The following AHCYL2 variants were observed in gnomAD, a reference collection of about 807,000 sequenced individuals.
AHCYL2 encodes adenosylhomocysteinase like 2.
A neutral mutation model predicts 81.4 loss-of-function variants in AHCYL2; 28 were observed. That is an observed-to-expected ratio of 0.34 (90% CI 0.25 to 0.47). AHCYL2 has a LOEUF of 0.47. AHCYL2 is among the 20% of genes least tolerant of loss of function. AHCYL2 has a pLI of 1.00. For synonymous variants in AHCYL2, 272 were observed against 290.2 expected, an observed-to-expected ratio of 0.94 and a Z score of 0.64; for missense variants, 551 against 785.1, an observed-to-expected ratio of 0.70 and a Z score of 3.56.
intron 1 of AHCYL2, among the ~76,000 whole-genome samples, chr7:129,333,615 G>C (rs1319627411): frequency 6.6e-6 from 1 of 152,166 alleles, no homozygotes; most frequent in Non-Finnish European, 1.5e-5. Context: ...ATTTAGTTCA[G>C]ATATGGGGAA....
intron 1 of AHCYL2, among the ~76,000 whole-genome samples, chr7:129,273,495 A>G (rs1014990729): frequency 3.3e-5 from 5 of 151,434 alleles, no homozygotes; most frequent in African/African-American, 1.2e-4. Flanking sequence ...CGCCTGGCTA[A>G]TTTTGTATTT....
chr7:129,357,920 C>T (rs1258073930), intron 1 of AHCYL2, among the ~76,000 whole-genome samples: 2 of 143,160 alleles, frequency 1.4e-5, no homozygotes, highest in Non-Finnish European at 3.0e-5. Context: ...GGTGACAGGG[C>T]GAGACTCCAT....
intron 1 of AHCYL2, among the ~76,000 whole-genome samples, chr7:129,345,692 CTG>C (rs1197533441): frequency 6.6e-6 from 1 of 152,012 alleles, no homozygotes; most frequent in African/African-American, 2.4e-5. Flanking sequence ...GAAAATGAAA[CTG>C]GGAAAGAGTT....
intron 2 of AHCYL2, among the ~76,000 whole-genome samples, chr7:129,384,970 A>C (rs1349713692): frequency 5.3e-5 from 8 of 152,190 alleles, no homozygotes; most frequent in Non-Finnish European, 8.8e-5. Context: ...AAGGAAAAAA[A>C]CCTCATAAAA....
At chr7:129,313,855 CTTTTT>C (rs1048151396) in intron 1 of AHCYL2, among the ~76,000 whole-genome samples, 3 of 152,138 alleles carry the variant, frequency 2.0e-5, no homozygotes, top group Non-Finnish European at 4.4e-5. Flanking sequence ...GTAACACTTT[CTTTTT>C]ACTATTATGT....
At chr7:129,382,780 C>T (rs993920576) in intron 2 of AHCYL2, among the ~76,000 whole-genome samples, 3 of 151,948 alleles carry the variant, frequency 2.0e-5, no homozygotes, top group Admixed American at 6.6e-5. Context: ...GTGGCACATG[C>T]CTGTAATCCC....
intron 2 of AHCYL2, among the ~76,000 whole-genome samples, chr7:129,382,494 G>A (rs911258303): frequency 1.3e-4 from 20 of 152,154 alleles, no homozygotes; most frequent in Admixed American, 3.9e-4. Flanking sequence ...CAGCTACTCC[G>A]GAGTCTGAGG....
At chr7:129,311,097 C>T (rs1487120209) in intron 1 of AHCYL2, among the ~76,000 whole-genome samples, 1 of 149,946 alleles carries the variant, frequency 6.7e-6, no homozygotes, top group African/African-American at 2.5e-5. Flanking sequence ...AAGAGTGAAA[C>T]CCTGTCTCAA....
intron 1 of AHCYL2, among the ~76,000 whole-genome samples, chr7:129,259,804 A>T (rs1455659155): frequency 1.3e-5 from 2 of 152,176 alleles, no homozygotes; most frequent in Non-Finnish European, 2.9e-5. Context: ...TGGCCAGGCG[A>T]GGTAGCTCAC....
At chr7:129,288,621 A>G (rs1796725075) in intron 1 of AHCYL2, among the ~76,000 whole-genome samples, 1 of 152,062 alleles carries the variant, frequency 6.6e-6, no homozygotes, top group South Asian at 2.1e-4. Flanking sequence ...CAGCCTCCCA[A>G]AGTGCTGGGA....
chr7:129,337,492 C>T (rs988675165), intron 1 of AHCYL2, among the ~76,000 whole-genome samples: 2 of 151,966 alleles, frequency 1.3e-5, no homozygotes, highest in South Asian at 2.1e-4. Context: ...CTCCACCTGC[C>T]GGGTTAAAAC....
intron 1 of AHCYL2, among the ~76,000 whole-genome samples, chr7:129,308,742 A>T (rs1797533240): frequency 6.6e-6 from 1 of 152,214 alleles, no homozygotes; most frequent in Non-Finnish European, 1.5e-5. Context: ...CAAAAAAGAA[A>T]CTATCATTAC....
At chr7:129,288,605 C>G (rs1275824155) in intron 1 of AHCYL2, among the ~76,000 whole-genome samples, 5 of 152,210 alleles carry the variant, frequency 3.3e-5, no homozygotes, top group South Asian at 4.1e-4. Flanking sequence ...AGTGATCTGC[C>G]TGCCTCAGCC....
intron 1 of AHCYL2, among the ~76,000 whole-genome samples, chr7:129,237,326 C>T (rs1794675253): frequency 6.6e-6 from 1 of 152,032 alleles, no homozygotes; most frequent in South Asian, 2.1e-4. Context: ...TCTATTTGTT[C>T]CCAAATAAAA....
At chr7:129,290,586 A>G (rs1197427472) in intron 1 of AHCYL2, among the ~76,000 whole-genome samples, 1 of 151,916 alleles carries the variant, frequency 6.6e-6, no homozygotes, top group Non-Finnish European at 1.5e-5. Flanking sequence ...AAAGTGCAGT[A>G]TAACAGTAAA....
chr7:129,344,807 G>GA (rs919569242), intron 1 of AHCYL2, among the ~76,000 whole-genome samples: 2 of 151,324 alleles, frequency 1.3e-5, no homozygotes, highest in African/African-American at 2.4e-5. Flanking sequence ...AAGCGGGGAG[G>GA]AAAAAAAAGA....
At chr7:129,349,163 A>G (rs980499829) in intron 1 of AHCYL2, among the ~76,000 whole-genome samples, 5 of 152,278 alleles carry the variant, frequency 3.3e-5, no homozygotes, top group South Asian at 4.1e-4. Flanking sequence ...GACAAATTCA[A>G]AGGTTCCCTT....
intron 1 of AHCYL2, among the ~76,000 whole-genome samples, chr7:129,324,302 T>C (rs1386221552): frequency 6.6e-6 from 1 of 152,234 alleles, no homozygotes; most frequent in African/African-American, 2.4e-5. Context: ...TAGGTCTTGC[T>C]TTTATGTAGT....
At chr7:129,259,860 T>C (rs991361689) in intron 1 of AHCYL2, among the ~76,000 whole-genome samples, 2 of 152,186 alleles carry the variant, frequency 1.3e-5, no homozygotes, top group African/African-American at 4.8e-5. Flanking sequence ...GCAGATCATC[T>C]GAGGTCAGGA....
Sources: allele counts gnomAD v4.1 joint callset (sites outside exome capture counted in the v4.1 genomes callset), GRCh38; gene constraint gnomAD v4.1.1; transcripts MANE v1.5; gene names NCBI Gene and HGNC (gene_info 2026-07-23, HGNC 2026-07-21).